The following TYRP1 variants were observed in gnomAD, a reference collection of about 807,000 sequenced individuals.
The protein encoded by TYRP1 is tyrosinase related protein 1.
TYRP1 carries 49 observed loss-of-function variants against 42.8 expected under a neutral mutation model. That is an observed-to-expected ratio of 1.14 (90% CI 0.91 to 1.45). The LOEUF (loss-of-function observed/expected upper bound fraction) is 1.45. Among genes scored for constraint, TYRP1 ranks in the 40% most tolerant of loss-of-function variants. The probability of loss-of-function intolerance (pLI) is 0.00; values close to 1 mark genes in which losing one functional copy is unlikely to be tolerated. For missense variants in TYRP1, 848 were observed against 662.0 expected, an observed-to-expected ratio of 1.28 and a Z score of -3.08; for synonymous variants, 279 against 235.4, an observed-to-expected ratio of 1.19 and a Z score of -1.69.
At position 12,709,775 on chromosome 9, in the gene TYRP1, T is replaced by C. The variant is rs908472034; in HGVS notation, c.*593T>C. ...TACTATTTAGTCTCAGGTTCAAGGC[T>C]ACAACAAAAATCACCATCTTTGTCA... On this transcript the variant is annotated 3_prime_UTR_variant, in exon 8 of 8. Transcript: ENST00000388918. The C allele has an allele frequency of 3.9e-5, 6 of 151,942 alleles. No homozygotes were observed. Among genetic ancestry groups the C allele is most frequent in the Non-Finnish European group, 8.8e-5 (6 of 68,178 alleles). The allele number at this position is 151,942 out of a possible 1,614,324, so 9.4% of individuals were successfully genotyped here. A position where few individuals can be genotyped will look rare whatever the true frequency, so the allele number is the denominator to read the frequency against.
intron 3 of TYRP1, among the ~76,000 whole-genome samples, chr9:12,696,903 T>G (rs1818087696): frequency 6.6e-6 from 1 of 152,192 alleles, no homozygotes; most frequent in African/African-American, 2.4e-5. Context: ...GCGTTTAGAT[T>G]CATTTATTAA....
chr9:12,709,065 T>G lies in TYRP1; in HGVS notation c.1497T>G (p.Tyr499Ter). ...CACTCATTTTTGGGACTGCTTCTTA[T>G]CTGATTCGTGCCAGACGCAGTATGG... ...LVALIFGTAS[Y>*]LIRARRSMDE... Residue 499 changes from tyrosine (Y) to a stop codon, truncating the protein, a stop_gained, in exon 8 of 8, where the codon TAT becomes TAG. Transcript: ENST00000388918. LOFTEE classifies it high-confidence loss of function. 6.2e-7 allele frequency: 1 copy of G among 1,612,892 alleles called. No individual in the cohort carries two copies. The highest frequency in any genetic ancestry group is 8.5e-7 in the Non-Finnish European group (1 of 1,179,288).
Position 12,695,774 on chromosome 9 carries a change from T to C in TYRP1, c.645T>C (p.His215=). ...QESFGEVDFS[H]EGPAFLTWHR... is the part of the protein sequence containing the mutation. ...GCTTTGGTGAAGTGGATTTCTCTCA[T>C]GAGGGACCAGCTTTTCTCACATGGC... The change falls in exon 3 of 8, where the codon CAT becomes CAC. Residue 215 remains histidine (H), a synonymous_variant. Transcript: ENST00000388918. 1 of 1,614,130 alleles carries C rather than the reference T, an allele frequency of 6.2e-7. No individual in the cohort carries two copies. Among genetic ancestry groups the C allele is most frequent in the African/African-American group, 1.3e-5 (1 of 75,026 alleles).
chr9:12,708,352 T>TATC (rs1818295622), intron 7 of TYRP1, among the ~76,000 whole-genome samples: 1 of 152,128 alleles, frequency 6.6e-6, no homozygotes, highest in South Asian at 2.1e-4. Context: ...TACAGCACCC[T>TATC]ATCTCATTTA....
At chr9:12,706,337 T>G (rs779831183) in intron 6 of TYRP1, among the ~76,000 whole-genome samples, 4 of 152,000 alleles carry the variant, frequency 2.6e-5, no homozygotes, top group Non-Finnish European at 4.4e-5. Context: ...CTTTCACCTA[T>G]GAAAGAAAGG....
intron 3 of TYRP1, 92 bp from the exon 4 acceptor site, chr9:12,698,359 C>G: frequency 8.1e-7 from 1 of 1,237,132 alleles, no homozygotes; most frequent in Admixed American, 1.8e-5. Flanking sequence ...CTGAAGAGAG[C>G]TAATAGAAAT....
At chr9:12,702,641 A>G (rs1211455761) in intron 5 of TYRP1, among the ~76,000 whole-genome samples, 2 of 152,004 alleles carry the variant, frequency 1.3e-5, no homozygotes, top group Non-Finnish European at 2.9e-5. Context: ...TTTTCATTAT[A>G]GGTGAAGCCC....
chr9:12,707,828 A>T, intron 6 of TYRP1, 169 bp from the exon 7 acceptor site: 1 of 635,788 alleles, frequency 1.6e-6, no homozygotes, highest in Non-Finnish European at 2.7e-6. Context: ...TTTCTGTTTT[A>T]TGTAATTTCT....
In TYRP1 at chr9:12,704,604, CAG is replaced by C. The variant is rs1310776939; in HGVS notation, c.1161_1162del (p.Gly389ThrfsTer8). 1.2e-6 allele frequency: 2 copies of C among 1,613,150 alleles called. No individual in the cohort carries two copies. The highest frequency in any genetic ancestry group is 1.7e-6 in the Non-Finnish European group (2 of 1,179,472). ...TTGGCTCATCTATTCCTGAATGGAA[CAG>C]GGGGACAAACCCATTTGTCTCCAAA... is the stretch of plus-strand genomic sequence containing the variant. On this transcript the variant is annotated frameshift_variant, in exon 6 of 8. Transcript: ENST00000388918. LOFTEE classifies it high-confidence loss of function.
rs1446767211 is a variant in TYRP1 at position 12,709,233 on chromosome 9, T to TATA, written c.*55_*57dup. ...AGTATCACAAAACCACCTGGTTGAA[T>TATA]ATAATAGATTGAGTTATTAACTGTA... is the stretch of plus-strand genomic sequence containing the variant. On this transcript the variant is annotated 3_prime_UTR_variant, in exon 8 of 8. Transcript: ENST00000388918. 2 of 1,508,128 alleles carry TATA rather than the reference T, an allele frequency of 1.3e-6. No homozygotes were observed. Among genetic ancestry groups the TATA allele is most frequent in the African/African-American group, 1.4e-5 (1 of 72,642 alleles). The allele number at this position is 1,508,128 out of a possible 1,614,324, so 93.4% of individuals were successfully genotyped here.
rs914446419 is a variant in TYRP1 at position 12,694,000 on chromosome 9, A to G, written c.4A>G (p.Ser2Gly). MSAPKLLSLGCI... is the reference protein window; with the variant it reads MGAPKLLSLGCI... Reference sequence around the variant, plus strand: ...TTGCACTCTTATTTCAAGCAGAATGAGTGCTCCTAAACTCCTCTCTCTGGG... The same window carrying G: ...TTGCACTCTTATTTCAAGCAGAATGGGTGCTCCTAAACTCCTCTCTCTGGG... The change falls in exon 2 of 8, where the codon AGT becomes GGT. Residue 2 changes from serine to glycine, a missense_variant. By Grantham distance (56) the Ser-to-Gly change is moderately conservative (BLOSUM62 0). Coordinates refer to ENST00000388918, the MANE Select transcript of TYRP1 (RefSeq NM_000550.3). The G allele has an allele frequency of 6.2e-7, 1 of 1,613,896 alleles. No homozygotes were observed.
At chr9:12,706,217 A>G (rs1436332195) in intron 6 of TYRP1, among the ~76,000 whole-genome samples, 2 of 152,012 alleles carry the variant, frequency 1.3e-5, no homozygotes, top group African/African-American at 4.8e-5. Flanking sequence ...CTACATGGCA[A>G]TGTTCAAGTT....
Position 12,703,167 on chromosome 9 carries a change from A to C in TYRP1, c.1081+729A>C, listed in dbSNP as rs116453268. Among the ~76,000 whole-genome samples the C allele has an allele frequency of 6.4e-3, 966 of 152,046 alleles. 10 individuals are homozygous for C. Among genetic ancestry groups the C allele is most frequent in the African/African-American group, 0.022 (909 of 41,534 alleles). On this transcript the variant is annotated intron_variant, in intron 5 of 7. Coordinates refer to ENST00000388918, the MANE Select transcript of TYRP1 (RefSeq NM_000550.3). The stretch of plus-strand genomic sequence containing the variant: ...ATATTTAAAGTCTTCAAAAGAATAT[A>C]ATTACTTTTATCTTATAAACTTGTT...
rs753312741 is a variant in TYRP1, at chr9:12,695,809, A to G, written c.680A>G (p.His227Arg). Residue 227 changes from histidine (H) to arginine (R), a missense_variant, in exon 3 of 8, where the codon CAC becomes CGC. By Grantham distance (29) the His-to-Arg change is conservative. Coordinates refer to ENST00000388918, the MANE Select transcript of TYRP1 (RefSeq NM_000550.3). ...GCTTTTCTCACATGGCACAGGTACC[A>G]CCTCCTGCGTCTGGAGAAAGACATG... Reference protein sequence around the residue: ...GPAFLTWHRYHLLRLEKDMQE... With the variant: ...GPAFLTWHRYRLLRLEKDMQE... 2 of 1,613,994 alleles carry G rather than the reference A, an allele frequency of 1.2e-6. No individual in the cohort carries two copies. Among genetic ancestry groups the G allele is most frequent in the African/African-American group, 2.7e-5 (2 of 74,920 alleles).
Position 12,702,042 on chromosome 9 carries a change from T to C in TYRP1, c.914-229T>C, listed in dbSNP as rs980398302. 4.6e-5 allele frequency among the ~76,000 whole-genome samples: 7 copies of C among 152,058 alleles called. No individual in the cohort carries two copies. In the South Asian group the frequency reaches 6.2e-4, roughly 13 times the overall value. ...CCTGTATCTGTTAGTGTGATTCTTT[T>C]TTTTCCTTCAGATACTTTTATGTAT... On this transcript the variant is annotated intron_variant, in intron 4 of 7. Coordinates refer to ENST00000388918, the MANE Select transcript of TYRP1 (RefSeq NM_000550.3).
chr9:12,702,101 G>T (rs1299091221), intron 4 of TYRP1, among the ~76,000 whole-genome samples, 170 bp from the exon 5 acceptor site: 2 of 151,816 alleles, frequency 1.3e-5, no homozygotes, highest in African/African-American at 2.4e-5. Context: ...AATGGGACAT[G>T]GTAACTTAGA....
Position 12,709,461 on chromosome 9 carries a change from A to AGTAT in TYRP1, c.*282_*285dup. ...GATCTTTGGCATGATTTAAAGGTTG[A>AGTAT]GTATGTGAAGATATAAGTAAGTGAA... is the stretch of plus-strand genomic sequence containing the variant. On this transcript the variant is annotated 3_prime_UTR_variant, in exon 8 of 8. Coordinates refer to ENST00000388918, the MANE Select transcript of TYRP1 (RefSeq NM_000550.3). 1 of 348,306 alleles carries AGTAT rather than the reference A, an allele frequency of 2.9e-6. No individual in the cohort carries two copies. 21.6% of individuals were successfully genotyped at this position (348,306 alleles called of 1,614,324 possible).
intron 1 of TYRP1, among the ~76,000 whole-genome samples, 163 bp from the exon 2 acceptor site, chr9:12,693,749 A>C (rs1818030653): frequency 6.7e-6 from 1 of 150,078 alleles, no homozygotes; most frequent in Admixed American, 6.7e-5. Flanking sequence ...TATATATGCC[A>C]AATTTTAAAG....
At chr9:12,702,867 T>C (rs1464925490) in intron 5 of TYRP1, among the ~76,000 whole-genome samples, 1 of 152,054 alleles carries the variant, frequency 6.6e-6, no homozygotes, top group Admixed American at 6.6e-5. Flanking sequence ...AAGCCTTGCT[T>C]GCGCATATGT....
Sources: allele counts gnomAD v4.1 joint callset (sites outside exome capture counted in the v4.1 genomes callset), GRCh38; gene constraint gnomAD v4.1.1; transcripts MANE v1.5; gene names NCBI Gene and HGNC (gene_info 2026-07-23, HGNC 2026-07-21).